ATRNL1: variants seen among roughly 807,000 people sequenced by gnomAD.
The protein encoded by ATRNL1 is attractin-like protein 1.
A neutral mutation model predicts 182.7 loss-of-function variants in ATRNL1; 95 were observed. The observed-to-expected ratio is 0.52, with a 90% CI of 0.44 to 0.62. ATRNL1 has a LOEUF of 0.62. Among genes scored for constraint, ATRNL1 ranks in the 20% least tolerant of loss-of-function variants. The probability of loss-of-function intolerance (pLI) is 0.00; values close to 1 mark genes in which losing one functional copy is unlikely to be tolerated. For missense variants in ATRNL1, 1,471 were observed against 1,679.5 expected (o/e 0.88, Z 2.17); for synonymous variants, 576 against 568.3 (o/e 1.01, Z -0.19).
intron 27 of ATRNL1, chr10:115,820,159 T>C (rs1555089800): frequency 6.6e-6 from 1 of 152,160 alleles, no homozygotes; most frequent in Non-Finnish European, 1.5e-5. Flanking sequence ...ACTCTAAAAA[T>C]CACTGAGGTT....
intron 5 of ATRNL1, among the ~76,000 whole-genome samples, chr10:115,144,942 A>G (rs942385115): frequency 2.9e-4 from 44 of 152,116 alleles, no homozygotes; most frequent in African/African-American, 9.2e-4. Context: ...ATTAATATTT[A>G]TATATTAGGC....
At chr10:115,848,243 A>G (rs1950975209) in intron 28 of ATRNL1, among the ~76,000 whole-genome samples, 2 of 152,144 alleles carry the variant, frequency 1.3e-5, no homozygotes, top group South Asian at 2.1e-4. Context: ...ACACACATGT[A>G]TGTATGTTCC....
chr10:115,446,241 A>G (rs1041338627), intron 21 of ATRNL1, among the ~76,000 whole-genome samples: 3 of 151,946 alleles, frequency 2.0e-5, no homozygotes, highest in African/African-American at 7.2e-5. Flanking sequence ...TTTCATCTCT[A>G]TTTCTATTTT....
At chr10:115,331,305 C>T (rs1554934997) in intron 18 of ATRNL1, among the ~76,000 whole-genome samples, 1 of 152,240 alleles carries the variant, frequency 6.6e-6, no homozygotes, top group Non-Finnish European at 1.5e-5. Flanking sequence ...TGTGATCTGT[C>T]TGCCTCAGCT....
chr10:115,262,795 C>T (rs1461542673), intron 10 of ATRNL1, among the ~76,000 whole-genome samples: 2 of 151,816 alleles, frequency 1.3e-5, no homozygotes, highest in Non-Finnish European at 2.9e-5. Context: ...GTTGACTCAC[C>T]AGTAACTGGA....
chr10:115,512,939 G>A (rs1850460708), intron 24 of ATRNL1, among the ~76,000 whole-genome samples: 1 of 151,930 alleles, frequency 6.6e-6, no homozygotes, highest in Admixed American at 6.6e-5. Flanking sequence ...AACCAGGCTT[G>A]TCCAACTTGC....
intron 20 of ATRNL1, among the ~76,000 whole-genome samples, chr10:115,402,077 T>C (rs544341724): frequency 4.8e-4 from 73 of 152,300 alleles, no homozygotes; most frequent in African/African-American, 1.5e-3. Flanking sequence ...TGAGATTTTC[T>C]TAAATGAATA....
chr10:115,536,048 G>A (rs942136782), intron 25 of ATRNL1, among the ~76,000 whole-genome samples: 3 of 152,014 alleles, frequency 2.0e-5, no homozygotes, highest in Admixed American at 6.5e-5. Flanking sequence ...TAGGCTTCTC[G>A]GGGGTCAGGG....
intron 21 of ATRNL1, among the ~76,000 whole-genome samples, chr10:115,454,093 A>T (rs1234916209): frequency 6.6e-6 from 1 of 152,038 alleles, no homozygotes; most frequent in Non-Finnish European, 1.5e-5. Flanking sequence ...GTATGGTATA[A>T]GGGTCTAATT....
intron 1 of ATRNL1, among the ~76,000 whole-genome samples, chr10:115,102,931 T>C (rs1843836998): frequency 6.6e-6 from 1 of 152,216 alleles, no homozygotes. Context: ...TATTGAATTA[T>C]CTCGTTCTTC....
At chr10:115,790,835 T>C (rs1949514194) in intron 27 of ATRNL1, among the ~76,000 whole-genome samples, 1 of 152,202 alleles carries the variant, frequency 6.6e-6, no homozygotes, top group African/African-American at 2.4e-5. Context: ...CTCAGTTTCT[T>C]ACACATACTT....
chr10:115,102,942 A>G (rs1843837638), intron 1 of ATRNL1, among the ~76,000 whole-genome samples: 2 of 151,378 alleles, frequency 1.3e-5, no homozygotes, highest in Non-Finnish European at 1.5e-5. Context: ...CTCGTTCTTC[A>G]TTGCAGTATG....
At chr10:115,131,162 G>C (rs896148091) in intron 5 of ATRNL1, among the ~76,000 whole-genome samples, 4 of 151,884 alleles carry the variant, frequency 2.6e-5, no homozygotes, top group African/African-American at 9.7e-5. Flanking sequence ...CAAATACTGG[G>C]TATGTTCACT....
chr10:115,712,592 C>A lies in ATRNL1; in HGVS notation c.3796-14656C>A, dbSNP rs560550481. ...CAAGATTTAGAAATTTGTGGCTGGG[C>A]GGAGTGGCTCATGCCTGTAATCCTA... On this transcript the variant is annotated intron_variant, in intron 26 of 28. Coordinates refer to ENST00000355044, the MANE Select transcript of ATRNL1 (RefSeq NM_207303.4). 1.3e-5 allele frequency among the ~76,000 whole-genome samples: 2 copies of A among 152,196 alleles called. 1 individual carries two copies. The highest frequency in any genetic ancestry group is 4.1e-4 in the South Asian group (2 of 4,828).
chr10:115,848,037 C>A, intron 28 of ATRNL1, 46 bp downstream of exon 28: 1 of 1,037,690 alleles, frequency 9.6e-7, no homozygotes, highest in Non-Finnish European at 1.5e-6. Flanking sequence ...AACTTGTAGA[C>A]TGAACAGAAG....
At chr10:115,221,965 G>T (rs1216975507) in intron 9 of ATRNL1, among the ~76,000 whole-genome samples, 1 of 151,454 alleles carries the variant, frequency 6.6e-6, no homozygotes, top group Non-Finnish European at 1.5e-5. Flanking sequence ...AAAAAAAAAA[G>T]CTCGGAAGAA....
At chr10:115,896,723 A>G (rs1242567328) in intron 28 of ATRNL1, among the ~76,000 whole-genome samples, 2 of 152,174 alleles carry the variant, frequency 1.3e-5, no homozygotes, top group African/African-American at 4.8e-5. Flanking sequence ...TATAAAATAA[A>G]TGAAGGAAGG....
At chr10:115,554,013 G>A (rs1554996342) in intron 26 of ATRNL1, among the ~76,000 whole-genome samples, 1 of 151,464 alleles carries the variant, frequency 6.6e-6, no homozygotes, top group East Asian at 1.9e-4. Flanking sequence ...GTTATTTTAG[G>A]TGGATAAATT....
At chr10:115,365,297 T>C (rs1261796926) in intron 19 of ATRNL1, among the ~76,000 whole-genome samples, 1 of 152,008 alleles carries the variant, frequency 6.6e-6, no homozygotes, top group African/African-American at 2.4e-5. Context: ...GATTTTCTAG[T>C]TTATTTGCAT....
Sources: gnomAD v4.1 joint callset for allele counts (sites outside exome capture counted in the v4.1 genomes callset) on GRCh38, gnomAD v4.1.1 for gene constraint, MANE v1.5 for transcripts, NCBI Gene and HGNC (gene_info 2026-07-23, HGNC 2026-07-21) for gene names.